PRR11: variants seen among roughly 807,000 people sequenced by gnomAD.
PRR11 encodes proline-rich protein 11.
In PRR11, 30 loss-of-function variants were observed where a neutral mutation model predicts 45.6. The ratio of observed to expected loss-of-function variants is 0.66; its 90% CI spans 0.49 to 0.89. The LOEUF (loss-of-function observed/expected upper bound fraction) is 0.89. Ranked by LOEUF, PRR11 falls within the 40% of genes least tolerant of loss-of-function variation. The pLI is 0.00. For missense variants in PRR11, 373 were observed against 424.8 expected, an observed-to-expected ratio of 0.88 and a Z score of 1.07; for synonymous variants, 128 against 153.5, an observed-to-expected ratio of 0.83 and a Z score of 1.23.
intron 2 of PRR11, among the ~76,000 whole-genome samples, chr17:59,172,762 G>A (rs1379631509): frequency 6.6e-6 from 1 of 152,210 alleles, no homozygotes; most frequent in African/African-American, 2.4e-5. Context: ...CTCCCCGTGG[G>A]GCAGGGCTCG....
chr17:59,163,581 A>G (rs1046640335), intron 1 of PRR11: 2 of 152,092 alleles, frequency 1.3e-5, no homozygotes, highest in Admixed American at 1.3e-4. Context: ...CAGTTTATCT[A>G]TTTCCGTTTT....
At chr17:59,180,009 C>T (rs1181691131) in intron 2 of PRR11, 19 of 976,356 alleles carry the variant, frequency 1.9e-5, no homozygotes, top group South Asian at 1.4e-4. Flanking sequence ...GCCATCTTTC[C>T]GTCTTTCTCC....
intron 2 of PRR11, among the ~76,000 whole-genome samples, chr17:59,182,357 C>CCTCAG (rs973680545): frequency 6.7e-6 from 1 of 149,450 alleles, no homozygotes; most frequent in African/African-American, 2.5e-5. Flanking sequence ...CATACACCCT[C>CCTCAG]CTCAGGTTCT....
intron 2 of PRR11, among the ~76,000 whole-genome samples, chr17:59,180,906 A>G (rs776608671): frequency 6.6e-6 from 1 of 151,698 alleles, no homozygotes; most frequent in Non-Finnish European, 1.5e-5. Context: ...AGTTCAAGCA[A>G]TTCTCTTGCC....
intron 1 of PRR11, among the ~76,000 whole-genome samples, chr17:59,157,804 T>C (rs187573195): frequency 1.3e-5 from 2 of 152,234 alleles, no homozygotes; most frequent in Admixed American, 1.3e-4. Flanking sequence ...TTATAAGCAC[T>C]CAACTAATAT....
intron 1 of PRR11, among the ~76,000 whole-genome samples, chr17:59,165,409 T>C (rs1412435224): frequency 6.6e-6 from 1 of 152,052 alleles, no homozygotes; most frequent in Non-Finnish European, 1.5e-5. Context: ...CAATAATAGT[T>C]CATTGCAGCC....
chr17:59,195,324 A>G lies in PRR11; in HGVS notation c.745-7A>G. The G allele has an allele frequency of 6.2e-7, 1 of 1,600,492 alleles. No homozygotes were observed. On this transcript the variant is annotated splice_polypyrimidine_tract_variant and splice_region_variant and intron_variant, in intron 6 of 9. Transcript: ENST00000262293. ...TGTTTTAATAATGTCTCATTTTATA[A>G]TTAAAGCTTATACCATCGCCGAAAG...
intron 1 of PRR11, among the ~76,000 whole-genome samples, chr17:59,164,001 G>A (rs555885563): frequency 2.6e-5 from 4 of 152,226 alleles, no homozygotes; most frequent in South Asian, 2.1e-4. Flanking sequence ...GGGGGTGGGC[G>A]GAGGTTGCAG....
intron 2 of PRR11, chr17:59,174,908 C>T: frequency 8.9e-7 from 1 of 1,120,196 alleles, no homozygotes; most frequent in Non-Finnish European, 1.3e-6. Flanking sequence ...GTCCAGCCTC[C>T]AGCCCACCTG....
intron 9 of PRR11, among the ~76,000 whole-genome samples, chr17:59,200,821 C>T (rs1306236255): frequency 2.6e-5 from 4 of 151,752 alleles, no homozygotes; most frequent in African/African-American, 9.7e-5. Context: ...GACGAAGTCT[C>T]ACTATATCTC....
At position 59,205,781 on chromosome 17, in the gene PRR11, C is replaced by G. The variant is rs1180685980; in HGVS notation, c.*4150C>G. ...GGCTTGGGGGCCAGGCACAGTGGCT[C>G]ACACCTGTAATCCCAGCACTTTGGG... is the stretch of plus-strand genomic sequence containing the variant. On this transcript the variant is annotated 3_prime_UTR_variant, in exon 10 of 10. Transcript: ENST00000262293. Among the ~76,000 whole-genome samples, 2 of 151,394 alleles carry G rather than the reference C, an allele frequency of 1.3e-5. No homozygotes were observed. The highest frequency in any genetic ancestry group is 3.9e-4 in the East Asian group (2 of 5,154).
intron 4 of PRR11, among the ~76,000 whole-genome samples, chr17:59,186,381 ATTTT>A (rs59082405): frequency 4.7e-5 from 4 of 84,608 alleles, no homozygotes; most frequent in Non-Finnish European, 7.0e-5. Flanking sequence ...GCTGTTTGTA[ATTTT>A]TTTTTTTTTT....
intron 2 of PRR11, chr17:59,181,633 G>A (rs1353961854): frequency 2.0e-6 from 3 of 1,489,842 alleles, no homozygotes; most frequent in Non-Finnish European, 2.7e-6. Flanking sequence ...CTCAGGCTCA[G>A]GGGCGAGCTC....
At chr17:59,187,136 A>G (rs1457370924) in intron 4 of PRR11, among the ~76,000 whole-genome samples, 1 of 152,082 alleles carries the variant, frequency 6.6e-6, no homozygotes, top group Admixed American at 6.6e-5. Context: ...TTGAACCCGG[A>G]AAGTGGAGAC....
intron 2 of PRR11, among the ~76,000 whole-genome samples, chr17:59,178,264 G>C (rs1044601968): frequency 2.0e-5 from 3 of 151,820 alleles, no homozygotes; most frequent in Admixed American, 2.0e-4. Context: ...AACCCAGGAG[G>C]CTTCAGCTGC....
chr17:59,191,637 G>T (rs2046841253), intron 4 of PRR11, among the ~76,000 whole-genome samples: 1 of 152,088 alleles, frequency 6.6e-6, no homozygotes, highest in African/African-American at 2.4e-5. Context: ...TCTCTAGATT[G>T]CCTCATGGTA....
chr17:59,197,244 G>T (rs1342760687), intron 7 of PRR11, among the ~76,000 whole-genome samples: 7 of 147,716 alleles, frequency 4.7e-5, no homozygotes, highest in African/African-American at 1.5e-4. Context: ...ATAAAATCTG[G>T]CAAGTTCTAA....
rs575269112 is a variant in PRR11, at chr17:59,177,296, T to C, written c.128+7416T>C. 1.9e-4 allele frequency: 103 copies of C among 543,480 alleles called. 3 individuals are homozygous for C. Among genetic ancestry groups the C allele is most frequent in the South Asian group, 1.4e-3 (102 of 72,498 alleles). 33.7% of individuals were successfully genotyped at this position (543,480 alleles called of 1,614,324 possible). A position where few individuals can be genotyped will look rare whatever the true frequency, so the allele number is the denominator to read the frequency against. On this transcript the variant is annotated intron_variant, in intron 2 of 9. Coordinates refer to ENST00000262293, the MANE Select transcript of PRR11 (RefSeq NM_018304.4). ...AACACAGAAAGGGAGAGGTCACATC[T>C]TGGGAGAGGAAGATCGTGGAGACAG...
intron 7 of PRR11, among the ~76,000 whole-genome samples, chr17:59,196,291 A>G (rs201877449): frequency 1.3e-5 from 2 of 152,166 alleles, no homozygotes; most frequent in East Asian, 3.8e-4. Context: ...AGATACACAC[A>G]TATACCATAT....
Sources: gnomAD v4.1 joint callset for allele counts (sites outside exome capture counted in the v4.1 genomes callset) on GRCh38, gnomAD v4.1.1 for gene constraint, MANE v1.5 for transcripts, NCBI Gene and HGNC (gene_info 2026-07-23, HGNC 2026-07-21) for gene names.